The following KCNH8 variants were observed in gnomAD, a reference collection of about 807,000 sequenced individuals.
KCNH8 encodes the protein voltage-gated delayed rectifier potassium channel KCNH8.
In KCNH8, 70 loss-of-function variants were observed where a neutral mutation model predicts 103.6. That is an observed-to-expected ratio of 0.68 (90% CI 0.56 to 0.82). The LOEUF (loss-of-function observed/expected upper bound fraction) is 0.82, where lower values mean the gene tolerates loss of function less well. Ranked by LOEUF, KCNH8 falls within the 40% of genes least tolerant of loss-of-function variation. The pLI is 0.00. For synonymous variants in KCNH8, 498 were observed against 489.4 expected, an observed-to-expected ratio of 1.02 and a Z score of -0.23; for missense variants, 1,217 against 1,329.9, an observed-to-expected ratio of 0.92 and a Z score of 1.32.
At chr3:19,154,294 T>G (rs1429155245) in intron 1 of KCNH8, among the ~76,000 whole-genome samples, 2 of 152,152 alleles carry the variant, frequency 1.3e-5, no homozygotes, top group Non-Finnish European at 2.9e-5. Context: ...TTAGTGAGAA[T>G]AAGAGGCATT....
rs182890218 is a variant in KCNH8 at position 19,513,788 on chromosome 3, C to G, written c.2435+463C>G. 2.6e-3 allele frequency among the ~76,000 whole-genome samples: 388 copies of G among 152,126 alleles called. 4 individuals are homozygous for G. In the South Asian group the frequency reaches 0.028, roughly 11 times the overall value. On this transcript the variant is annotated intron_variant, in intron 13 of 15. Coordinates refer to ENST00000328405, the MANE Select transcript of KCNH8 (RefSeq NM_144633.3). ...GCCTTATTATCAAGGACGGCTAAAA[C>G]TTAGTTTTATTTCTGGTCTCTTCAA...
chr3:19,432,751 G>T (rs965868156), intron 7 of KCNH8, among the ~76,000 whole-genome samples: 9 of 152,164 alleles, frequency 5.9e-5, no homozygotes, highest in African/African-American at 9.7e-5. Context: ...ATTGTGAATT[G>T]TAAGTATTTT....
chr3:19,354,187 C>G (rs928006986), intron 5 of KCNH8, among the ~76,000 whole-genome samples: 5 of 152,130 alleles, frequency 3.3e-5, no homozygotes, highest in Non-Finnish European at 7.4e-5. Context: ...TGTGAAAGAC[C>G]TCTTCAAGGA....
At chr3:19,334,193 G>A (rs1344521691) in intron 3 of KCNH8, among the ~76,000 whole-genome samples, 1 of 152,148 alleles carries the variant, frequency 6.6e-6, no homozygotes, top group Admixed American at 6.6e-5. Flanking sequence ...TTCATAAGTG[G>A]ACTGAGGCCT....
At chr3:19,397,573 AT>A (rs1449317356) in intron 7 of KCNH8, among the ~76,000 whole-genome samples, 1 of 150,780 alleles carries the variant, frequency 6.6e-6, no homozygotes, top group African/African-American at 2.4e-5. Context: ...ACATATATAT[AT>A]TTTTCTTATT....
chr3:19,308,300 AAG>A (rs199813199), intron 3 of KCNH8, among the ~76,000 whole-genome samples: 16,028 of 151,350 alleles, frequency 0.11, 953 homozygotes, highest in East Asian at 0.17. Context: ...AAAAAAAAAA[AAG>A]GTGATGATTA....
At chr3:19,219,697 G>A in intron 1 of KCNH8, among the ~76,000 whole-genome samples, 1 of 152,276 alleles carries the variant, frequency 6.6e-6, no homozygotes, top group South Asian at 2.1e-4. Context: ...ATGGGTGCTT[G>A]CCATGGCTCC....
intron 7 of KCNH8, among the ~76,000 whole-genome samples, chr3:19,404,723 G>T (rs1475996720): frequency 1.3e-5 from 2 of 151,804 alleles, no homozygotes; most frequent in Non-Finnish European, 2.9e-5. Context: ...GATAATGGGA[G>T]CAATGTGATC....
At chr3:19,404,430 G>A (rs2066661510) in intron 7 of KCNH8, among the ~76,000 whole-genome samples, 3 of 151,898 alleles carry the variant, frequency 2.0e-5, no homozygotes, top group Admixed American at 6.6e-5. Context: ...AGGAGTCTTT[G>A]TTTTAAGGTG....
At chr3:19,331,809 C>G (rs371914680) in intron 3 of KCNH8, among the ~76,000 whole-genome samples, 6 of 152,098 alleles carry the variant, frequency 3.9e-5, no homozygotes, top group Admixed American at 3.9e-4. Flanking sequence ...TGTAATCACT[C>G]TGTTGTGCTA....
intron 5 of KCNH8, among the ~76,000 whole-genome samples, chr3:19,384,594 A>C (rs549826367): frequency 4.7e-4 from 71 of 152,288 alleles, no homozygotes; most frequent in African/African-American, 1.3e-3. Flanking sequence ...GAAGTATTAA[A>C]ATAATTCTAA....
intron 1 of KCNH8, among the ~76,000 whole-genome samples, chr3:19,201,231 CAAAAAAAAAAAA>C (rs1170312203): frequency 4.0e-3 from 89 of 22,064 alleles, no homozygotes; most frequent in South Asian, 0.015. Flanking sequence ...GACTCTGCCT[CAAAAAAAAAAAA>C]AAAAAAAAAA....
chr3:19,473,617 C>T (rs577747860), intron 11 of KCNH8, among the ~76,000 whole-genome samples: 1 of 152,138 alleles, frequency 6.6e-6, no homozygotes, highest in African/African-American at 2.4e-5. Context: ...ATGTAAAAAA[C>T]AGTATTTTAC....
At chr3:19,288,194 T>C (rs887541425) in intron 3 of KCNH8, among the ~76,000 whole-genome samples, 7 of 139,748 alleles carry the variant, frequency 5.0e-5, no homozygotes, top group African/African-American at 1.2e-4. Context: ...TTTTTTTTTT[T>C]TTTTTTTTTT....
chr3:19,366,329 AGT>A (rs1427450782), intron 5 of KCNH8, among the ~76,000 whole-genome samples: 3 of 152,212 alleles, frequency 2.0e-5, no homozygotes, highest in Non-Finnish European at 4.4e-5. Context: ...CTTATTTCAC[AGT>A]GTACCTGAAT....
rs142396335 is a variant in KCNH8, at chr3:19,472,914, C to T, written c.2040+15932C>T. Among the ~76,000 whole-genome samples the T allele has an allele frequency of 1.6e-4, 25 of 152,210 alleles. No homozygotes were observed. In the East Asian group the frequency reaches 3.3e-3, roughly 20 times the overall value. On this transcript the variant is annotated intron_variant, in intron 11 of 15. Transcript: ENST00000328405. Reference sequence around the variant, plus strand: ...GAATATTTAGTAGCATACCTACTTGCTACATAGAGGTAAGAATGTCAATGT... The same window carrying T: ...GAATATTTAGTAGCATACCTACTTGTTACATAGAGGTAAGAATGTCAATGT...
chr3:19,440,948 G>GT (rs1012253043), intron 8 of KCNH8, among the ~76,000 whole-genome samples: 3 of 152,092 alleles, frequency 2.0e-5, no homozygotes, highest in Non-Finnish European at 4.4e-5. Context: ...TAATGCTGGG[G>GT]TTTGTACTCT....
chr3:19,151,508 C>T (rs1253899916), intron 1 of KCNH8, among the ~76,000 whole-genome samples: 1 of 151,850 alleles, frequency 6.6e-6, no homozygotes, highest in East Asian at 1.9e-4. Flanking sequence ...TGCTAATGTA[C>T]CCAACATGCA....
chr3:19,404,485 A>G (rs2066662118), intron 7 of KCNH8, among the ~76,000 whole-genome samples: 1 of 151,882 alleles, frequency 6.6e-6, no homozygotes, highest in Non-Finnish European at 1.5e-5. Flanking sequence ...CTCTGAAAGG[A>G]TCTATGACTT....
Sources: gnomAD v4.1 joint callset for allele counts (sites outside exome capture counted in the v4.1 genomes callset) on GRCh38, gnomAD v4.1.1 for gene constraint, MANE v1.5 for transcripts, NCBI Gene and HGNC (gene_info 2026-07-23, HGNC 2026-07-21) for gene names.